Variants in SFMBT2 observed in about 807,000 individuals in gnomAD.
SFMBT2 encodes scm-like with four MBT domains protein 2.
A neutral mutation model predicts 110.1 loss-of-function variants in SFMBT2; 38 were observed. The ratio of observed to expected loss-of-function variants is 0.35; its 90% CI spans 0.27 to 0.45. SFMBT2 has a LOEUF of 0.45. Among genes scored for constraint, SFMBT2 ranks in the 20% least tolerant of loss-of-function variants. SFMBT2 has a pLI of 1.00. For missense variants in SFMBT2, 1,011 were observed against 1,094.9 expected (o/e 0.92, Z 1.08); for synonymous variants, 425 against 425.4 (o/e 1.00, Z 0.01).
chr10:7,352,933 C>A (rs1205275628), intron 4 of SFMBT2, among the ~76,000 whole-genome samples: 2 of 152,044 alleles, frequency 1.3e-5, no homozygotes, highest in African/African-American at 4.8e-5. Flanking sequence ...TGGTGTGAAC[C>A]CAGGAGGTGG....
rs115435683 is a variant in SFMBT2, at chr10:7,230,665, G to A, written c.1121-2728C>T. 1.7e-3 allele frequency among the ~76,000 whole-genome samples: 266 copies of A among 152,312 alleles called. 3 individuals carry two copies. The highest frequency in any genetic ancestry group is 6.1e-3 in the African/African-American group (255 of 41,580). On this transcript the variant is annotated intron_variant, in intron 9 of 20. Coordinates refer to ENST00000397167, the MANE Select transcript of SFMBT2 (RefSeq NM_001387889.1). ...AAAAGAAAAGCGTCTGGGTGCGGTGGCTCACACCCATAATCCCAGCACTTT... is the reference window on the plus strand; with the variant it reads ...AAAAGAAAAGCGTCTGGGTGCGGTGACTCACACCCATAATCCCAGCACTTT...
At chr10:7,397,708 C>T (rs780648198) in intron 1 of SFMBT2, among the ~76,000 whole-genome samples, 2 of 152,178 alleles carry the variant, frequency 1.3e-5, no homozygotes, top group Non-Finnish European at 2.9e-5. Flanking sequence ...AGCAACAGCC[C>T]GGAATCGCAG....
chr10:7,375,521 T>C (rs1845176316), intron 2 of SFMBT2, among the ~76,000 whole-genome samples: 1 of 152,158 alleles, frequency 6.6e-6, no homozygotes, highest in African/African-American at 2.4e-5. Flanking sequence ...TTGTAAATAC[T>C]GATAGTCATT....
At chr10:7,238,559 C>T (rs12267891) in intron 9 of SFMBT2, among the ~76,000 whole-genome samples, 10,706 of 152,188 alleles carry the variant, frequency 0.07, 885 homozygotes, top group African/African-American at 0.2. Context: ...ATACGACTTA[C>T]GGTTCCCTGC....
At chr10:7,391,253 G>A (rs2132104222) in intron 1 of SFMBT2, among the ~76,000 whole-genome samples, 1 of 151,978 alleles carries the variant, frequency 6.6e-6, no homozygotes, top group African/African-American at 2.4e-5. Context: ...GGATCACGAG[G>A]TCAGGAGTTT....
intron 15 of SFMBT2, among the ~76,000 whole-genome samples, chr10:7,193,504 T>C (rs931277703): frequency 1.3e-5 from 2 of 152,196 alleles, no homozygotes; most frequent in Admixed American, 1.3e-4. Context: ...AGAGGCTCCA[T>C]CGCCCTACCC....
intron 4 of SFMBT2, among the ~76,000 whole-genome samples, chr10:7,321,287 C>T (rs1251807418): frequency 6.6e-5 from 10 of 151,672 alleles, no homozygotes; most frequent in African/African-American, 1.5e-4. Context: ...CGGCAAGCTC[C>T]GCCTCCCGGG....
chr10:7,291,398 T>G (rs1221526346), intron 4 of SFMBT2, among the ~76,000 whole-genome samples: 2 of 152,226 alleles, frequency 1.3e-5, no homozygotes, highest in Non-Finnish European at 2.9e-5. Context: ...GGGTCACAGT[T>G]TTCGTTTGCA....
chr10:7,289,825 T>C (rs1479779904), intron 4 of SFMBT2, among the ~76,000 whole-genome samples: 1 of 152,248 alleles, frequency 6.6e-6, no homozygotes, highest in Non-Finnish European at 1.5e-5. Flanking sequence ...TAACCACTGA[T>C]TAATTCAGTT....
intron 4 of SFMBT2, among the ~76,000 whole-genome samples, chr10:7,291,313 A>G (rs1279695544): frequency 1.3e-5 from 2 of 152,158 alleles, no homozygotes; most frequent in African/African-American, 4.8e-5. Context: ...CACACAGGGT[A>G]TTTCATTTTT....
intron 2 of SFMBT2, among the ~76,000 whole-genome samples, chr10:7,373,503 A>C (rs1845115989): frequency 6.6e-6 from 1 of 152,204 alleles, no homozygotes; most frequent in Non-Finnish European, 1.5e-5. Context: ...GGCAATCTTG[A>C]GAGCTCAGAA....
At chr10:7,268,511 T>C (rs980042904) in intron 7 of SFMBT2, among the ~76,000 whole-genome samples, 2 of 151,446 alleles carry the variant, frequency 1.3e-5, no homozygotes, top group Non-Finnish European at 3.0e-5. Context: ...AAAGGTTTTA[T>C]CTAATTTTTT....
At chr10:7,243,285 C>G (rs181726180) in intron 9 of SFMBT2, among the ~76,000 whole-genome samples, 27 of 152,322 alleles carry the variant, frequency 1.8e-4, no homozygotes, top group Non-Finnish European at 2.8e-4. Context: ...GCTGCACCCT[C>G]TAAGTCTACA....
intron 1 of SFMBT2, among the ~76,000 whole-genome samples, chr10:7,385,355 C>T (rs961175898): frequency 6.6e-6 from 1 of 152,178 alleles, no homozygotes; most frequent in Non-Finnish European, 1.5e-5. Flanking sequence ...CGGAGGGTGG[C>T]AGCCCACTGT....
At chr10:7,354,241 G>A (rs949855866) in intron 4 of SFMBT2, among the ~76,000 whole-genome samples, 1 of 152,066 alleles carries the variant, frequency 6.6e-6, no homozygotes, top group African/African-American at 2.4e-5. Flanking sequence ...ACAAAAAGTA[G>A]GCAGTATATA....
chr10:7,257,344 C>G (rs1229303854), intron 7 of SFMBT2, among the ~76,000 whole-genome samples: 2 of 152,152 alleles, frequency 1.3e-5, no homozygotes, highest in Middle Eastern at 3.2e-3. Context: ...CTTTCAACAT[C>G]TGCCTCTGAT....
At chr10:7,335,582 A>AACACACACACACACAC (rs3065781) in intron 4 of SFMBT2, among the ~76,000 whole-genome samples, 18 of 142,992 alleles carry the variant, frequency 1.3e-4, no homozygotes, top group Non-Finnish European at 1.7e-4. Flanking sequence ...CAGAAACAGA[A>AACACACACACACACAC]ACACACACAC....
At position 7,161,951 on chromosome 10, in the gene SFMBT2, G is replaced by A. The variant is rs1837560526; in HGVS notation, c.*1819C>T. On this transcript the variant is annotated 3_prime_UTR_variant, in exon 21 of 21. Transcript: ENST00000397167. The stretch of plus-strand genomic sequence containing the variant: ...TGTGGTGAAAAAGCAGGAAGGGTGA[G>A]AAGCCTCTGCTTCCAGTGTCTGCTT... 6.6e-6 allele frequency: 1 copy of A among 152,216 alleles called. No individual in the cohort carries two copies. The highest frequency in any genetic ancestry group is 6.5e-5 in the Admixed American group (1 of 15,288). The allele number at this position is 152,216 out of a possible 1,614,324, so 9.4% of individuals were successfully genotyped here.
intron 13 of SFMBT2, chr10:7,202,272 C>G: frequency 3.8e-6 from 1 of 264,420 alleles, no homozygotes. Context: ...CCATGGGAAT[C>G]TGGATTGCGA....
Sources: allele counts gnomAD v4.1 joint callset (sites outside exome capture counted in the v4.1 genomes callset), GRCh38; gene constraint gnomAD v4.1.1; transcripts MANE v1.5; gene names NCBI Gene and HGNC (gene_info 2026-07-23, HGNC 2026-07-21).